The following TTC34 variants were observed in gnomAD, a reference collection of about 807,000 sequenced individuals.
The protein encoded by TTC34 is tetratricopeptide repeat domain 34.
A neutral mutation model predicts 40.7 loss-of-function variants in TTC34; 44 were observed. The ratio of observed to expected loss-of-function variants is 1.08; its 90% CI spans 0.85 to 1.39. TTC34 has a LOEUF of 1.39. TTC34 is among the 40% of genes most tolerant of loss of function. The pLI, the probability that TTC34 is intolerant of heterozygous loss-of-function variation, is 0.00. For missense variants in TTC34, 884 were observed against 838.0 expected, an observed-to-expected ratio of 1.05 and a Z score of -0.68; for synonymous variants, 422 against 398.6, an observed-to-expected ratio of 1.06 and a Z score of -0.70.
intron 6 of TTC34, among the ~76,000 whole-genome samples, chr1:2,656,098 G>A (rs4648673): frequency 3.3e-5 from 5 of 149,346 alleles, no homozygotes; most frequent in African/African-American, 1.2e-4. Context: ...CCCACACACA[G>A]AGGTGAGCAT....
intron 6 of TTC34, among the ~76,000 whole-genome samples, chr1:2,692,435 C>T (rs1299926345): frequency 1.4e-4 from 18 of 127,156 alleles, no homozygotes; most frequent in African/African-American, 5.4e-4. Flanking sequence ...CCCAGGTGAG[C>T]ATCTGACTGC....
intron 6 of TTC34, among the ~76,000 whole-genome samples, chr1:2,666,171 C>CAA (rs1639646818): frequency 1.5e-5 from 1 of 68,290 alleles, no homozygotes; most frequent in Non-Finnish European, 3.7e-5. Context: ...CACCCACACC[C>CAA]ACAGGTGAGC....
chr1:2,751,093 C>A (rs1314973468), intron 6 of TTC34, among the ~76,000 whole-genome samples: 109 of 19,250 alleles, frequency 5.7e-3, no homozygotes, highest in East Asian at 0.041. Context: ...ACATGCCCAG[C>A]TGAGCCTCTG....
intron 6 of TTC34, among the ~76,000 whole-genome samples, chr1:2,695,357 C>A (rs574351179): frequency 2.6e-5 from 3 of 114,790 alleles, no homozygotes; most frequent in South Asian, 6.7e-4. Context: ...CTCCCACACC[C>A]CCAGGTGAGC....
At chr1:2,759,269 A>G (rs1641610804) in intron 6 of TTC34, among the ~76,000 whole-genome samples, 1 of 126,352 alleles carries the variant, frequency 7.9e-6, no homozygotes, top group Non-Finnish European at 1.6e-5. Context: ...CTGGAACAGC[A>G]CCCACACCCC....
At chr1:2,753,471 G>C (rs1487107642) in intron 6 of TTC34, among the ~76,000 whole-genome samples, 29 of 48,994 alleles carry the variant, frequency 5.9e-4, no homozygotes, top group Non-Finnish European at 7.5e-4. Context: ...AGGTGTGCAC[G>C]TGACAGCTTG....
Position 2,754,220 on chromosome 1 carries a change from C to G in TTC34, c.2226+29389G>C, listed in dbSNP as rs1185760169. 1.1e-3 allele frequency among the ~76,000 whole-genome samples: 65 copies of G among 61,098 alleles called. 22 individuals carry two copies. The East Asian group carries it at 0.025, about 24-fold the overall frequency. The allele number at this position is 61,098 out of a possible 152,430, so 40.1% of individuals were successfully genotyped here. On this transcript the variant is annotated intron_variant, in intron 6 of 8. Transcript: ENST00000401095. ...ACAGCCTGGAACAGAACCCACACCCCCAGGTGAGCATCTGACAGACTGCAA... is the reference window on the plus strand; with the variant it reads ...ACAGCCTGGAACAGAACCCACACCCGCAGGTGAGCATCTGACAGACTGCAA...
At chr1:2,693,329 T>A (rs1640713176) in intron 6 of TTC34, among the ~76,000 whole-genome samples, 1 of 109,980 alleles carries the variant, frequency 9.1e-6, no homozygotes, top group Non-Finnish European at 2.0e-5. Context: ...TCTGACAGCC[T>A]GGAACAGCAC....
chr1:2,754,820 C>A (rs1641451028), intron 6 of TTC34, among the ~76,000 whole-genome samples: 120 of 150,238 alleles, frequency 8.0e-4, no homozygotes, highest in Middle Eastern at 3.5e-3. Flanking sequence ...AAACCACACC[C>A]CCAGGTGAGC....
At chr1:2,769,821 A>T (rs1159523938) in intron 6 of TTC34, among the ~76,000 whole-genome samples, 1 of 103,702 alleles carries the variant, frequency 9.6e-6, no homozygotes, top group Non-Finnish European at 1.9e-5. Context: ...AGCCTGGAGC[A>T]GGCGCCCACA....
exon 9 of TTC34, chr1:2,639,568 T>G (rs1414707140): frequency 6.6e-6 from 1 of 152,356 alleles, no homozygotes; most frequent in African/African-American, 2.4e-5. Flanking sequence ...TGAACTTAGC[T>G]CTTGGGCTGC....
chr1:2,653,435 A>ATAG (rs1639220217), intron 6 of TTC34, among the ~76,000 whole-genome samples: 3 of 142,612 alleles, frequency 2.1e-5, no homozygotes, highest in Non-Finnish European at 4.5e-5. Flanking sequence ...ACAGCCTGGA[A>ATAG]CACCAGCCTG....
chr1:2,750,615 A>C (rs1641286210), intron 6 of TTC34, among the ~76,000 whole-genome samples: 30 of 145,604 alleles, frequency 2.1e-4, no homozygotes, highest in East Asian at 1.3e-3. Context: ...CCCACAGGTG[A>C]GCATCTGACA....
intron 6 of TTC34, 137 bp downstream of exon 6, chr1:2,783,471 TG>T: frequency 1.1e-6 from 1 of 891,792 alleles, no homozygotes. Flanking sequence ...CAGGTGGGGA[TG>T]GGAACATGGG....
intron 2 of TTC34, among the ~76,000 whole-genome samples, chr1:2,795,328 T>C (rs528892557): frequency 4.6e-5 from 7 of 152,336 alleles, no homozygotes; most frequent in African/African-American, 1.7e-4. Context: ...AGTTCTTCTG[T>C]TGGTCTTACC....
At position 2,641,681 on chromosome 1, in the gene TTC34, C is replaced by T. The variant is rs773963798; in HGVS notation, c.2927G>A (p.Arg976Gln). The change falls in exon 9 of 9, where the codon CGG becomes CAG. Residue 976 changes from arginine (R) to glutamine (Q), a missense_variant. Arg to Gln is a conservative substitution (Grantham distance 43, BLOSUM62 1). Transcript: ENST00000401095. ...ACCCTGACGGCAGAAGTCCTCTGCC[C>T]GCCTTGGGAGGTCACCATCCCCCAG... is the stretch of plus-strand genomic sequence containing the variant. 4.9e-5 allele frequency: 76 copies of T among 1,535,380 alleles called. No individual in the cohort carries two copies. Among genetic ancestry groups the T allele is most frequent in the Non-Finnish European group, 6.1e-5 (70 of 1,146,724 alleles).
At chr1:2,641,653 G>A in exon 9 of TTC34, 1 of 1,535,352 alleles carries the variant, frequency 6.5e-7, no homozygotes, top group Non-Finnish European at 8.7e-7. Flanking sequence ...TCAGCAGCAG[G>A]CGACCCTGAC....
Position 2,755,983 on chromosome 1 carries a change from C to T in TTC34, c.2226+27626G>A, listed in dbSNP as rs1391982282. ...TCTGACAGCCTGGAACAGCACCCTGCAACCCAGGTGAGCATCTGACACCCT... is the reference window on the plus strand; with the variant it reads ...TCTGACAGCCTGGAACAGCACCCTGTAACCCAGGTGAGCATCTGACACCCT... On this transcript the variant is annotated intron_variant, in intron 6 of 8. Transcript: ENST00000401095. Among the ~76,000 whole-genome samples the T allele has an allele frequency of 4.7e-5, 3 of 63,294 alleles. 1 individual carries two copies. Among genetic ancestry groups the T allele is most frequent in the Non-Finnish European group, 8.1e-5 (3 of 36,998 alleles). 41.5% of individuals were successfully genotyped at this position (63,294 alleles called of 152,430 possible).
In TTC34 at chr1:2,789,494, G is replaced by A. The variant is rs549156769; in HGVS notation, c.1628+9C>T. ...GCAGCGGCCCCAGCGTGCCCGGGCG[G>A]GTCCTCACCCCTCCTGCGTGGTGGG... On this transcript the variant is annotated intron_variant, in intron 3 of 8. Transcript: ENST00000401095. The A allele has an allele frequency of 2.7e-4, 410 of 1,507,952 alleles. 4 individuals carry two copies. In the South Asian group the frequency reaches 3.1e-3, roughly 12 times the overall value. The allele number at this position is 1,507,952 out of a possible 1,614,324, so 93.4% of individuals were successfully genotyped here.
Sources: allele counts gnomAD v4.1 joint callset (sites outside exome capture counted in the v4.1 genomes callset), GRCh38; gene constraint gnomAD v4.1.1; transcripts MANE v1.5; gene names NCBI Gene and HGNC (gene_info 2026-07-23, HGNC 2026-07-21).